Variants in RASSF5 observed in about 807,000 individuals in gnomAD.
RASSF5 encodes Ras association domain family member 5.
In RASSF5, 25 loss-of-function variants were observed where a neutral mutation model predicts 40.5. The observed-to-expected ratio is 0.62, with a 90% CI of 0.45 to 0.86. RASSF5 has a LOEUF of 0.86. Ranked by LOEUF, RASSF5 falls within the 40% of genes least tolerant of loss-of-function variation. RASSF5 has a pLI of 0.00. For missense variants in RASSF5, 521 were observed against 572.8 expected (o/e 0.91, Z 0.92); for synonymous variants, 246 against 252.4 (o/e 0.97, Z 0.24).
intron 1 of RASSF5, among the ~76,000 whole-genome samples, chr1:206,509,752 T>C (rs1666567781): frequency 6.6e-6 from 1 of 151,686 alleles, no homozygotes; most frequent in Admixed American, 6.6e-5. Flanking sequence ...TTGGTGATAA[T>C]GGTGCGTTTG....
intron 1 of RASSF5, among the ~76,000 whole-genome samples, chr1:206,532,709 G>C (rs782070777): frequency 1.3e-5 from 2 of 152,204 alleles, no homozygotes; most frequent in Non-Finnish European, 2.9e-5. Flanking sequence ...TTGACCATAG[G>C]GGAGGCTGGT....
intron 1 of RASSF5, among the ~76,000 whole-genome samples, chr1:206,514,686 A>G (rs1666704050): frequency 6.6e-6 from 1 of 152,236 alleles, no homozygotes; most frequent in Non-Finnish European, 1.5e-5. Flanking sequence ...CATGAAAGTC[A>G]GGCCAAAAAG....
At chr1:206,510,256 T>A (rs906615693) in intron 1 of RASSF5, among the ~76,000 whole-genome samples, 6 of 152,022 alleles carry the variant, frequency 3.9e-5, no homozygotes, top group African/African-American at 1.4e-4. Context: ...AATAGGACTT[T>A]AAAAAAAATC....
intron 4 of RASSF5, 49 bp from the exon 5 acceptor site, chr1:206,585,131 C>G (rs781952337): frequency 7.0e-7 from 1 of 1,437,390 alleles, no homozygotes. Context: ...GCCTGGGCCC[C>G]GCCCTTCTTT....
chr1:206,514,720 A>T (rs577440177), intron 1 of RASSF5, among the ~76,000 whole-genome samples: 243 of 152,340 alleles, frequency 1.6e-3, no homozygotes, highest in African/African-American at 5.5e-3. Context: ...TTATTTTTTT[A>T]AAATCCTTTT....
chr1:206,546,795 A>C lies in RASSF5; in HGVS notation c.579+8502A>C, dbSNP rs182365962. On this transcript the variant is annotated intron_variant, in intron 2 of 5. Transcript: ENST00000579436. ...AAACCTATTTTCTTATGAAGTGTTG[A>C]ATATCTCATGTAATTTATTGAATGC... Among the ~76,000 whole-genome samples the C allele has an allele frequency of 1.5e-3, 227 of 152,342 alleles. 1 individual carries two copies. The highest frequency in any genetic ancestry group is 0.01 in the Middle Eastern group (3 of 294).
At chr1:206,578,233 AGTGTGTGT>A (rs58059864) in intron 2 of RASSF5, among the ~76,000 whole-genome samples, 57 of 117,582 alleles carry the variant, frequency 4.8e-4, no homozygotes, top group Non-Finnish European at 8.0e-4. Flanking sequence ...AAAAAAAAAA[AGTGTGTGT>A]GTGTGTGTGT....
chr1:206,576,353 A>C (rs1668657932), intron 2 of RASSF5, among the ~76,000 whole-genome samples: 2 of 152,292 alleles, frequency 1.3e-5, no homozygotes, highest in South Asian at 4.1e-4. Context: ...GAGTCACAGA[A>C]CCAGGGGGTG....
At chr1:206,516,979 T>C (rs1553395507) in intron 1 of RASSF5, among the ~76,000 whole-genome samples, 1 of 152,032 alleles carries the variant, frequency 6.6e-6, no homozygotes, top group African/African-American at 2.4e-5. Context: ...CTTCTTCTGG[T>C]ACAGAGGTTG....
intron 2 of RASSF5, 65 bp downstream of exon 2, chr1:206,538,358 C>T: frequency 6.2e-7 from 1 of 1,600,168 alleles, no homozygotes; most frequent in South Asian, 1.1e-5. Flanking sequence ...GCTCCACTTT[C>T]TCTCCCAGGA....
At position 206,528,248 on chromosome 1, in the gene RASSF5, A is replaced by G. The variant is rs185175801; in HGVS notation, c.458-9924A>G. ...GTACCCACAATTTTTTTAATTAAAAAAAAAGACAGGGAGATAATACTAAGT... is the reference window on the plus strand; with the variant it reads ...GTACCCACAATTTTTTTAATTAAAAGAAAAGACAGGGAGATAATACTAAGT... On this transcript the variant is annotated intron_variant, in intron 1 of 5. Transcript: ENST00000579436. Among the ~76,000 whole-genome samples, 74 of 152,304 alleles carry G rather than the reference A, an allele frequency of 4.9e-4. No homozygotes were observed. The East Asian group carries it at 0.014, about 28-fold the overall frequency.
intron 2 of RASSF5, among the ~76,000 whole-genome samples, chr1:206,538,609 G>C (rs1004967285): frequency 2.6e-5 from 4 of 152,162 alleles, no homozygotes; most frequent in African/African-American, 9.7e-5. Context: ...GGTCCCTAAA[G>C]GCCTCATAGC....
chr1:206,518,455 G>A lies in RASSF5; in HGVS notation c.457+10396G>A, dbSNP rs782495786. 7 of 398,544 alleles carry A rather than the reference G, an allele frequency of 1.8e-5. No homozygotes were observed. The Admixed American group carries it at 1.8e-4, about 10-fold the overall frequency. 24.7% of individuals were successfully genotyped at this position (398,544 alleles called of 1,614,324 possible). A position where few individuals can be genotyped will look rare whatever the true frequency, so the allele number is the denominator to read the frequency against. On this transcript the variant is annotated intron_variant, in intron 1 of 5. Coordinates refer to ENST00000579436, the MANE Select transcript of RASSF5 (RefSeq NM_182663.4). ...GGGACAGTCACTGCTCAGCTCCAGC[G>A]GCTCTTCTGCAGGCTCCCGAAGAGC...
At chr1:206,529,578 G>T (rs187494488) in intron 1 of RASSF5, 2 of 800,218 alleles carry the variant, frequency 2.5e-6, no homozygotes, top group East Asian at 4.8e-5. Context: ...TATCAGGACC[G>T]ATTACAATGA....
intron 2 of RASSF5, among the ~76,000 whole-genome samples, chr1:206,564,658 T>C (rs904812161): frequency 6.6e-6 from 1 of 152,172 alleles, no homozygotes. Flanking sequence ...CACACCTGTG[T>C]ATCTTCTGGC....
intron 2 of RASSF5, among the ~76,000 whole-genome samples, chr1:206,545,127 G>A (rs1667648175): frequency 6.6e-6 from 1 of 152,080 alleles, no homozygotes; most frequent in Non-Finnish European, 1.5e-5. Flanking sequence ...GTCCCTTCTG[G>A]AAGCTTCAAC....
chr1:206,524,606 T>C (rs1245414440), intron 1 of RASSF5, among the ~76,000 whole-genome samples: 1 of 136,466 alleles, frequency 7.3e-6, no homozygotes, highest in African/African-American at 2.7e-5. Context: ...TTATGTATAA[T>C]ATATAAAATA....
intron 1 of RASSF5, among the ~76,000 whole-genome samples, chr1:206,516,445 C>G (rs569658696): frequency 1.3e-5 from 2 of 152,126 alleles, no homozygotes; most frequent in East Asian, 3.9e-4. Flanking sequence ...GAAGGGATTT[C>G]CCCGCATTAC....
At position 206,552,986 on chromosome 1, in the gene RASSF5, G is replaced by A. The variant is rs772047992; in HGVS notation, c.579+14693G>A. ...TGGGAGGCCGAGGCAGGCAGATCAC[G>A]AGGTCAGGAGATCGAGACCATCCTG... On this transcript the variant is annotated intron_variant, in intron 2 of 5. Transcript: ENST00000579436. The surrounding 1 kb of genome is among the most constrained non-coding windows in gnomAD (Gnocchi z 4.1). Among the ~76,000 whole-genome samples the A allele has an allele frequency of 6.6e-6, 1 of 152,108 alleles. No individual in the cohort carries two copies. The highest frequency in any genetic ancestry group is 6.6e-5 in the Admixed American group (1 of 15,266).
Sources: gnomAD v4.1 joint callset for allele counts (sites outside exome capture counted in the v4.1 genomes callset) on GRCh38, gnomAD v4.1.1 for gene constraint, Gnocchi (gnomAD v3.1) non-coding constraint, MANE v1.5 for transcripts, NCBI Gene and HGNC (gene_info 2026-07-23, HGNC 2026-07-21) for gene names.